The following STX11 variants were observed in gnomAD, a reference collection of about 807,000 sequenced individuals.
The protein encoded by STX11 is syntaxin 11.
In STX11, 21 loss-of-function variants were observed where a neutral mutation model predicts 19.9. The observed-to-expected ratio is 1.06, with a 90% CI of 0.75 to 1.52. STX11 has a LOEUF of 1.52. STX11 is among the 40% of genes most tolerant of loss of function. The pLI, the probability that STX11 is intolerant of heterozygous loss-of-function variation, is 0.00. For synonymous variants in STX11, 193 were observed against 174.4 expected (o/e 1.11, Z -0.84); for missense variants, 438 against 405.9 (o/e 1.08, Z -0.68).
At position 144,151,870 on chromosome 6, in the gene STX11, G is replaced by A. The variant is rs755184609; in HGVS notation, c.-6+1167G>A. 6.6e-6 allele frequency among the ~76,000 whole-genome samples: 1 copy of A among 152,136 alleles called. No homozygotes were observed. The highest frequency in any genetic ancestry group is 1.5e-5 in the Non-Finnish European group (1 of 68,028). Reference sequence around the variant, plus strand: ...GCAGAGAAATTTAAAAGTTGAAGCTGACAAGTCCTATTGCGGTGGGTAACA... The same window carrying A: ...GCAGAGAAATTTAAAAGTTGAAGCTAACAAGTCCTATTGCGGTGGGTAACA... On this transcript the variant is annotated intron_variant, in intron 1 of 1. Transcript: ENST00000367568. This position sits in a 1 kb window ranked among gnomAD's most constrained non-coding sequence, Gnocchi z 4.6.
upstream of STX11, among the ~76,000 whole-genome samples, chr6:144,146,217 G>C (rs118098273): frequency 6.1e-3 from 936 of 152,216 alleles, 45 homozygotes; most frequent in East Asian, 0.11. This position sits in a 1 kb window ranked among gnomAD's most constrained non-coding sequence, Gnocchi z 4.4. Context: ...CAGGATGATG[G>C]CCACGGCTGA....
In STX11 at chr6:144,188,038, C is replaced by T; in HGVS notation, c.*547C>T. The T allele has an allele frequency of 8.1e-6, 2 of 246,284 alleles. No homozygotes were observed. Among genetic ancestry groups the T allele is most frequent in the Middle Eastern group, 1.3e-3 (1 of 754 alleles). 15.3% of individuals were successfully genotyped at this position (246,284 alleles called of 1,614,324 possible). On this transcript the variant is annotated 3_prime_UTR_variant, in exon 2 of 2. Coordinates refer to ENST00000367568, the MANE Select transcript of STX11 (RefSeq NM_003764.4). ...TCCCCAAATATAGATCTTATTTCTG[C>T]TCATTTCCCCTACTTATTAAAATCA...
rs1351605598 is a variant in STX11, at chr6:144,151,956, T to C, written c.-6+1253T>C. ...GTAGAGAAGGGGACACCATCTCTAC[T>C]GGAGCTGAGTTGAGCTGAATTCAGC... is the stretch of plus-strand genomic sequence containing the variant. On this transcript the variant is annotated intron_variant, in intron 1 of 1. Transcript: ENST00000367568. The surrounding 1 kb of genome is among the most constrained non-coding windows in gnomAD (Gnocchi z 4.6). Among the ~76,000 whole-genome samples the C allele has an allele frequency of 1.3e-5, 2 of 152,188 alleles. No individual in the cohort carries two copies. Among genetic ancestry groups the C allele is most frequent in the Non-Finnish European group, 2.9e-5 (2 of 68,030 alleles).
rs1336589726 is a variant in STX11, at chr6:144,191,583, T to A, written c.*4092T>A. Among the ~76,000 whole-genome samples, 2 of 152,116 alleles carry A rather than the reference T, an allele frequency of 1.3e-5. No individual in the cohort carries two copies. Among genetic ancestry groups the A allele is most frequent in the Non-Finnish European group, 2.9e-5 (2 of 68,016 alleles). The stretch of plus-strand genomic sequence containing the variant: ...AGTCTTGATTTTTATGTATAAATTC[T>A]ATCATTCTATATTTTACCATCAGAC... On this transcript the variant is annotated 3_prime_UTR_variant, in exon 2 of 2. Coordinates refer to ENST00000367568, the MANE Select transcript of STX11 (RefSeq NM_003764.4).
intron 1 of STX11, among the ~76,000 whole-genome samples, chr6:144,157,697 T>C (rs1368877340): frequency 6.6e-6 from 1 of 152,060 alleles, no homozygotes; most frequent in Non-Finnish European, 1.5e-5. Flanking sequence ...TAGTGGTGTT[T>C]AACAAAGAAG....
intron 1 of STX11, among the ~76,000 whole-genome samples, chr6:144,158,155 T>C (rs772636112): frequency 7.9e-5 from 12 of 152,346 alleles, no homozygotes; most frequent in Non-Finnish European, 1.0e-4. Flanking sequence ...CTCTTATGCC[T>C]TTCGTGGTGA....
In STX11 at chr6:144,176,623, C is replaced by T. The variant is rs1184595616; in HGVS notation, c.-5-10000C>T. Among the ~76,000 whole-genome samples, 1 of 152,080 alleles carries T rather than the reference C, an allele frequency of 6.6e-6. No individual in the cohort carries two copies. The highest frequency in any genetic ancestry group is 2.4e-5 in the African/African-American group (1 of 41,404). On this transcript the variant is annotated intron_variant, in intron 1 of 1. Coordinates refer to ENST00000367568, the MANE Select transcript of STX11 (RefSeq NM_003764.4). The surrounding 1 kb of genome is among the most constrained non-coding windows in gnomAD (Gnocchi z 4.1). ...TCTCTAAAGGGAGTGAGAAGACTGT[C>T]AGTGGTGAGTGGAGATAACTGAGGA...
At chr6:144,161,532 T>G (rs1801341523) in intron 1 of STX11, among the ~76,000 whole-genome samples, 2 of 152,256 alleles carry the variant, frequency 1.3e-5, no homozygotes, top group East Asian at 3.9e-4. Flanking sequence ...CACGTCCAGC[T>G]AATTTTTGTA....
rs888271814 is a variant in STX11 at position 144,184,259 on chromosome 6, T to C, written c.-5-2364T>C. Among the ~76,000 whole-genome samples the C allele has an allele frequency of 6.6e-6, 1 of 152,240 alleles. No individual in the cohort carries two copies. Among genetic ancestry groups the C allele is most frequent in the Non-Finnish European group, 1.5e-5 (1 of 68,044 alleles). Reference sequence around the variant, plus strand: ...AAATGGTGTTTCCAGTTCTAAATCTTTGAGGAATTGCCACACTGTCTTCCA... The same window carrying C: ...AAATGGTGTTTCCAGTTCTAAATCTCTGAGGAATTGCCACACTGTCTTCCA... On this transcript the variant is annotated intron_variant, in intron 1 of 1. Coordinates refer to ENST00000367568, the MANE Select transcript of STX11 (RefSeq NM_003764.4). The surrounding 1 kb of genome is among the most constrained non-coding windows in gnomAD (Gnocchi z 6.5).
In STX11 at chr6:144,187,753, A is replaced by C; in HGVS notation, c.*262A>C. The C allele has an allele frequency of 1.7e-6, 1 of 580,994 alleles. No homozygotes were observed. The highest frequency in any genetic ancestry group is 3.1e-6 in the Non-Finnish European group (1 of 318,030). 36.0% of individuals were successfully genotyped at this position (580,994 alleles called of 1,614,324 possible). On this transcript the variant is annotated 3_prime_UTR_variant, in exon 2 of 2. Coordinates refer to ENST00000367568, the MANE Select transcript of STX11 (RefSeq NM_003764.4). This position sits in a 1 kb window ranked among gnomAD's most constrained non-coding sequence, Gnocchi z 5.6. ...TCATTATATGACACCTTGCACTCTT[A>C]CCGTCTTGACAGAAGCCAAGTAAGG...
chr6:144,145,595 G>A (rs116560545), upstream of STX11, among the ~76,000 whole-genome samples: 370 of 152,330 alleles, frequency 2.4e-3, 1 homozygote, highest in African/African-American at 8.4e-3. Context: ...TCTTGTCATT[G>A]TGACAACATG....
chr6:144,143,434 T>C, the STX11 span, among the ~76,000 whole-genome samples: 1 of 152,116 alleles, frequency 6.6e-6, no homozygotes, highest in Non-Finnish European at 1.5e-5. Context: ...TATAAAGATA[T>C]GGACAGGGTG....
upstream of STX11, among the ~76,000 whole-genome samples, chr6:144,148,560 C>T (rs1216250575): frequency 6.6e-6 from 1 of 152,220 alleles, no homozygotes; most frequent in Non-Finnish European, 1.5e-5. Flanking sequence ...TGATTACCAT[C>T]TTACATTACA....
At chr6:144,178,996 T>C (rs1801839733) in intron 1 of STX11, among the ~76,000 whole-genome samples, 1 of 152,192 alleles carries the variant, frequency 6.6e-6, no homozygotes, top group Non-Finnish European at 1.5e-5. Context: ...TATCTGAGAC[T>C]GGGCAATTTA....
chr6:144,148,183 T>C (rs2128744907), upstream of STX11, among the ~76,000 whole-genome samples: 1 of 152,318 alleles, frequency 6.6e-6, no homozygotes, highest in Middle Eastern at 3.4e-3. Context: ...CTATCATGAC[T>C]ACCAATGCCC....
At chr6:144,149,889 A>G (rs775281228), upstream of STX11, among the ~76,000 whole-genome samples, 36 of 152,138 alleles carry the variant, frequency 2.4e-4, no homozygotes, top group Non-Finnish European at 7.4e-5. The surrounding 1 kb of genome is among the most constrained non-coding windows in gnomAD (Gnocchi z 5.1). Flanking sequence ...CCTCCCCGTT[A>G]AAGTGCCGGG....
rs1270321979 is a variant in STX11 at position 144,186,788 on chromosome 6, A to G, written c.161A>G (p.Glu54Gly). The change falls in exon 2 of 2, where the codon GAA (glutamate) becomes GGA (glycine). Residue 54 changes from glutamate to glycine, a missense_variant. Transcript: ENST00000367568. ...CGAGACATCCGGGACATTCAGGATG[A>G]AAACCAGCTGCTGGTGGCCGACGTG... is the stretch of plus-strand genomic sequence containing the variant. ...LYRDIRDIQD[E>G]NQLLVADVKR... The G allele has an allele frequency of 3.7e-6, 6 of 1,613,846 alleles. No homozygotes were observed. The highest frequency in any genetic ancestry group is 5.1e-6 in the Non-Finnish European group (6 of 1,180,002).
At position 144,165,387 on chromosome 6, in the gene STX11, G is replaced by T. The variant is rs779733776; in HGVS notation, c.-6+14684G>T. Among the ~76,000 whole-genome samples the T allele has an allele frequency of 6.6e-6, 1 of 151,986 alleles. No individual in the cohort carries two copies. Among genetic ancestry groups the T allele is most frequent in the East Asian group, 1.9e-4 (1 of 5,176 alleles). On this transcript the variant is annotated intron_variant, in intron 1 of 1. Coordinates refer to ENST00000367568, the MANE Select transcript of STX11 (RefSeq NM_003764.4). The surrounding 1 kb of genome is among the most constrained non-coding windows in gnomAD (Gnocchi z 5.8). ...GGAGAATTGCTTGAACCCGGGAGGC[G>T]GAGGTTGCGGTGAGCAGAGATCGCG...
In STX11 at chr6:144,174,655, G is replaced by A. The variant is rs968999061; in HGVS notation, c.-5-11968G>A. On this transcript the variant is annotated intron_variant, in intron 1 of 1. Coordinates refer to ENST00000367568, the MANE Select transcript of STX11 (RefSeq NM_003764.4). The surrounding 1 kb of genome is among the most constrained non-coding windows in gnomAD (Gnocchi z 5.3). ...GCCAGGATTACAGATATGAGTCCCTGTGCCTGGCCAGAAAAGTTTTTTTTG... is the reference window on the plus strand; with the variant it reads ...GCCAGGATTACAGATATGAGTCCCTATGCCTGGCCAGAAAAGTTTTTTTTG... Among the ~76,000 whole-genome samples the A allele has an allele frequency of 6.6e-6, 1 of 152,144 alleles. No homozygotes were observed. The highest frequency in any genetic ancestry group is 2.1e-4 in the South Asian group (1 of 4,832).
Sources: gnomAD v4.1 joint callset for allele counts (sites outside exome capture counted in the v4.1 genomes callset) on GRCh38, gnomAD v4.1.1 for gene constraint, Gnocchi (gnomAD v3.1) non-coding constraint, MANE v1.5 for transcripts, NCBI Gene and HGNC (gene_info 2026-07-23, HGNC 2026-07-21) for gene names.